PTPRM: variants seen among roughly 807,000 people sequenced by gnomAD.
The protein encoded by PTPRM is protein tyrosine phosphatase receptor type M, also known as receptor-type tyrosine-protein phosphatase mu.
In PTPRM, 47 loss-of-function variants were observed where a neutral mutation model predicts 186.7. The observed-to-expected ratio is 0.25, with a 90% CI of 0.20 to 0.32. The LOEUF is 0.32. Among genes scored for constraint, PTPRM ranks in the 10% least tolerant of loss-of-function variants. The pLI, the probability that PTPRM is intolerant of heterozygous loss-of-function variation, is 1.00. For missense variants in PTPRM, 1,494 were observed against 1,865.0 expected (o/e 0.80, Z 3.66); for synonymous variants, 668 against 674.9 (o/e 0.99, Z 0.16).
intron 19 of PTPRM, among the ~76,000 whole-genome samples, chr18:8,272,250 A>C (rs908941231): frequency 6.6e-6 from 1 of 151,536 alleles, no homozygotes; most frequent in Non-Finnish European, 1.5e-5. Flanking sequence ...AAAGAAAAAG[A>C]AATAGCTTTT....
intron 1 of PTPRM, among the ~76,000 whole-genome samples, chr18:7,642,593 G>A (rs1282467347): frequency 6.6e-6 from 1 of 152,122 alleles, no homozygotes; most frequent in Non-Finnish European, 1.5e-5. Flanking sequence ...AAGACCGCCT[G>A]GAGCTACTGG....
intron 22 of PTPRM, among the ~76,000 whole-genome samples, chr18:8,339,523 AG>A (rs1309890328): frequency 6.6e-6 from 1 of 152,186 alleles, no homozygotes; most frequent in East Asian, 1.9e-4. Context: ...GAGGCTTTTC[AG>A]AGCTCCTTGC....
At chr18:7,600,616 TC>T (rs2037377560) in intron 1 of PTPRM, among the ~76,000 whole-genome samples, 1 of 152,128 alleles carries the variant, frequency 6.6e-6, no homozygotes, top group East Asian at 1.9e-4. Context: ...CTCTACCCGC[TC>T]CCCTCCCTGA....
At chr18:8,311,014 A>T (rs2095264050) in intron 20 of PTPRM, among the ~76,000 whole-genome samples, 1 of 151,772 alleles carries the variant, frequency 6.6e-6, no homozygotes, top group Non-Finnish European at 1.5e-5. Flanking sequence ...GCCTGTATTA[A>T]AACTGAAATT....
chr18:7,694,331 CCTCATACAGAG>C (rs2039795767), intron 1 of PTPRM, among the ~76,000 whole-genome samples: 1 of 152,024 alleles, frequency 6.6e-6, no homozygotes, highest in Non-Finnish European at 1.5e-5. Context: ...GATGACTCCG[CCTCATACAGAG>C]AATGCTTTTG....
intron 1 of PTPRM, among the ~76,000 whole-genome samples, chr18:7,592,286 G>A (rs925518632): frequency 1.3e-5 from 2 of 152,138 alleles, no homozygotes; most frequent in East Asian, 1.9e-4. Flanking sequence ...TTCTACAGGC[G>A]ACATGGGAGC....
chr18:7,861,767 T>TGTGAGA (rs563823651), intron 2 of PTPRM, among the ~76,000 whole-genome samples: 2 of 148,110 alleles, frequency 1.4e-5, no homozygotes, highest in African/African-American at 5.0e-5. Context: ...TGTGTGTGTG[T>TGTGAGA]GAGAGAGAGA....
intron 15 of PTPRM, among the ~76,000 whole-genome samples, chr18:8,247,349 A>C (rs921009456): frequency 2.0e-5 from 3 of 152,226 alleles, no homozygotes; most frequent in Non-Finnish European, 4.4e-5. Context: ...AGGAACACGC[A>C]TGGAGCACCA....
Position 8,244,087 on chromosome 18 carries a change from T to G in PTPRM, c.2330T>G (p.Met777Arg). The G allele has an allele frequency of 2.5e-6, 4 of 1,609,908 alleles. No individual in the cohort carries two copies. Among genetic ancestry groups the G allele is most frequent in the Non-Finnish European group, 3.4e-6 (4 of 1,178,742 alleles). The change falls in exon 15 of 33, where the codon ATG (methionine) becomes AGG (arginine). Residue 777 changes from methionine to arginine, a missense_variant. By Grantham distance (91) the Met-to-Arg change is moderately conservative. Around this residue, in one of 3 missense-constraint regions of PTPRM, gnomAD observed 1,107 missense variants for 1,350.2 expected, o/e 0.82. Transcript: ENST00000580170. ...CTGGCCAAGAAGCGGAAAGAGACCATGAGCAGCACCCGACAGGAGATGACT... is the reference window on the plus strand; with the variant it reads ...CTGGCCAAGAAGCGGAAAGAGACCAGGAGCAGCACCCGACAGGAGATGACT... ...RKLAKKRKET[M>R]SSTRQEMTVM...
At chr18:7,634,286 T>A (rs897550923) in intron 1 of PTPRM, among the ~76,000 whole-genome samples, 1 of 152,172 alleles carries the variant, frequency 6.6e-6, no homozygotes, top group Non-Finnish European at 1.5e-5. Context: ...ATTCCCATTG[T>A]ACTGTTGCCT....
intron 20 of PTPRM, among the ~76,000 whole-genome samples, chr18:8,306,140 G>A (rs186558244): frequency 4.6e-5 from 7 of 152,074 alleles, no homozygotes; most frequent in Admixed American, 1.3e-4. Flanking sequence ...GAGGTGATCC[G>A]CCCACCTCGG....
At chr18:7,628,531 A>G (rs1196647143) in intron 1 of PTPRM, among the ~76,000 whole-genome samples, 1 of 152,220 alleles carries the variant, frequency 6.6e-6, no homozygotes, top group Non-Finnish European at 1.5e-5. Flanking sequence ...AGATCATATA[A>G]TCTGTTAAAA....
At chr18:8,093,686 G>A (rs943290517) in intron 11 of PTPRM, among the ~76,000 whole-genome samples, 1 of 152,078 alleles carries the variant, frequency 6.6e-6, no homozygotes, top group South Asian at 2.1e-4. Context: ...AAAAATGGAT[G>A]TGTTTCCCTA....
intron 19 of PTPRM, among the ~76,000 whole-genome samples, chr18:8,292,515 A>G (rs1197578494): frequency 2.0e-5 from 3 of 152,248 alleles, no homozygotes; most frequent in Non-Finnish European, 2.9e-5. Context: ...GCAAGACACC[A>G]TCACCCTATC....
At chr18:7,575,872 C>G (rs2036675455) in intron 1 of PTPRM, among the ~76,000 whole-genome samples, 1 of 152,182 alleles carries the variant, frequency 6.6e-6, no homozygotes, top group South Asian at 2.1e-4. Context: ...GCTTAAAACT[C>G]AGAAGACTAA....
intron 28 of PTPRM, 147 bp from the exon 29 acceptor site, chr18:8,380,149 T>C (rs1237584002): frequency 2.6e-6 from 2 of 777,556 alleles, no homozygotes; most frequent in African/African-American, 3.5e-5. Context: ...TTAGTCTATG[T>C]TGGTGCTGAC....
intron 23 of PTPRM, among the ~76,000 whole-genome samples, chr18:8,351,554 A>AC (rs58417082): frequency 0.28 from 42,102 of 152,038 alleles, 6,511 homozygotes; most frequent in Middle Eastern, 0.51. Flanking sequence ...TTGGTCAAGA[A>AC]CCTTTCCCTA....
At chr18:8,321,748 G>C (rs1358272863) in intron 22 of PTPRM, among the ~76,000 whole-genome samples, 1 of 152,164 alleles carries the variant, frequency 6.6e-6, no homozygotes, top group Non-Finnish European at 1.5e-5. Flanking sequence ...GCGGTGCAGG[G>C]AGAGGAGGGA....
Position 7,973,157 on chromosome 18 carries a change from G to A in PTPRM, c.1132+17743G>A, listed in dbSNP as rs576647361. Among the ~76,000 whole-genome samples, 207 of 152,124 alleles carry A rather than the reference G, an allele frequency of 1.4e-3. 1 individual carries two copies. Among genetic ancestry groups the A allele is most frequent in the African/African-American group, 4.8e-3 (200 of 41,512 alleles). On this transcript the variant is annotated intron_variant, in intron 7 of 32. Coordinates refer to ENST00000580170, the MANE Select transcript of PTPRM (RefSeq NM_001105244.2). Reference sequence around the variant, plus strand: ...CCCTCCTCTCTTGATGGATAGTCAGGTTTTGTTCATTAATAAAGGGAATAT... The same window carrying A: ...CCCTCCTCTCTTGATGGATAGTCAGATTTTGTTCATTAATAAAGGGAATAT...
Sources: allele counts gnomAD v4.1 joint callset (sites outside exome capture counted in the v4.1 genomes callset), GRCh38; gene constraint gnomAD v4.1.1; regional missense constraint gnomAD v4.1.1; transcripts MANE v1.5; gene names NCBI Gene and HGNC (gene_info 2026-07-23, HGNC 2026-07-21).